Variants in BIRC6 observed in about 807,000 individuals in gnomAD.
BIRC6 encodes the protein baculoviral IAP repeat containing 6, also known as dual E2 ubiquitin-conjugating enzyme/E3 ubiquitin-protein ligase BIRC6.
BIRC6 carries 98 observed loss-of-function variants against 503.3 expected under a neutral mutation model. The observed-to-expected ratio is 0.19, with a 90% confidence interval of 0.17 to 0.23. BIRC6 has a LOEUF of 0.23. BIRC6 is among the 10% of genes least tolerant of loss of function. BIRC6 has a pLI of 1.00. For synonymous variants in BIRC6, 2,240 were observed against 2,078.7 expected (o/e 1.08, Z -2.11); for missense variants, 5,360 against 5,806.0 (o/e 0.92, Z 2.50).
chr2:32,596,235 C>A (rs1364228334), intron 68 of BIRC6, among the ~76,000 whole-genome samples: 3 of 151,872 alleles, frequency 2.0e-5, no homozygotes, highest in African/African-American at 7.3e-5. Flanking sequence ...TGTAATCCAG[C>A]ACTTTAGGAG....
At chr2:32,459,097 A>T (rs1163024525) in intron 23 of BIRC6, among the ~76,000 whole-genome samples, 3 of 152,022 alleles carry the variant, frequency 2.0e-5, no homozygotes, top group Non-Finnish European at 2.9e-5. Flanking sequence ...ATTTTTTTTT[A>T]AAATAAAACT....
chr2:32,497,930 A>G (rs147883964), intron 45 of BIRC6, among the ~76,000 whole-genome samples: 2,435 of 152,288 alleles, frequency 0.016, 134 homozygotes, highest in Admixed American at 0.12. Context: ...TGCTGGATTA[A>G]AATTGATCAT....
At chr2:32,513,617 C>T (rs1344538466) in intron 54 of BIRC6, among the ~76,000 whole-genome samples, 3 of 151,716 alleles carry the variant, frequency 2.0e-5, no homozygotes, top group Non-Finnish European at 4.4e-5. Context: ...TACAAAAATG[C>T]AGAAGTCAGA....
chr2:32,585,384 GT>G (rs571780668), intron 66 of BIRC6, among the ~76,000 whole-genome samples: 70 of 143,112 alleles, frequency 4.9e-4, no homozygotes, highest in East Asian at 6.1e-4. Flanking sequence ...TGGTTCTTTT[GT>G]TTTTTTTTTT....
At chr2:32,579,990 C>T (rs562906152) in intron 66 of BIRC6, among the ~76,000 whole-genome samples, 113 of 146,304 alleles carry the variant, frequency 7.7e-4, no homozygotes, top group Admixed American at 1.9e-3. Flanking sequence ...GTCTCGCTCT[C>T]TCGGCCAGGC....
At position 32,470,284 on chromosome 2, in the gene BIRC6, T is replaced by C; in HGVS notation, c.6464T>C (p.Met2155Thr). ...LLSPLQPQLP[M>T]HRRTEGVLDI... is the part of the protein sequence containing the mutation. ...TCACCTCTTCAGCCACAGTTACCCA[T>C]GCATAGGAGGACAGAAGGTATTAAG... Residue 2155 changes from methionine (M) to threonine (T), a missense_variant, in exon 31 of 74, where the codon ATG becomes ACG. Coordinates refer to ENST00000421745, the MANE Select transcript of BIRC6 (RefSeq NM_016252.4). 2 of 1,574,424 alleles carry C rather than the reference T, an allele frequency of 1.3e-6. No individual in the cohort carries two copies. The highest frequency in any genetic ancestry group is 2.3e-5 in the East Asian group (1 of 43,474).
intron 12 of BIRC6, 39 bp from the exon 13 acceptor site, chr2:32,433,605 A>AT: frequency 1.3e-6 from 2 of 1,488,832 alleles, no homozygotes; most frequent in Non-Finnish European, 1.8e-6. Flanking sequence ...CTGAAGAAAG[A>AT]TTTTTGCTTT....
At chr2:32,420,406 GTTTTTTA>G (rs1409165286) in intron 10 of BIRC6, among the ~76,000 whole-genome samples, 2 of 151,960 alleles carry the variant, frequency 1.3e-5, no homozygotes, top group Admixed American at 6.6e-5. Flanking sequence ...ACTTCCTAAG[GTTTTTTA>G]TTTTTTATTT....
chr2:32,395,472 G>T (rs750229374), intron 5 of BIRC6, 39 bp from the exon 6 acceptor site: 1 of 1,430,528 alleles, frequency 7.0e-7, no homozygotes, highest in East Asian at 2.3e-5. Context: ...TTTTAATAAT[G>T]ATTTACCTTT....
intron 53 of BIRC6, among the ~76,000 whole-genome samples, chr2:32,511,205 T>C (rs1274975848): frequency 4.3e-5 from 6 of 137,950 alleles, no homozygotes; most frequent in Non-Finnish European, 8.0e-5. Context: ...TCTTTTCTTT[T>C]TTTTTTTTTT....
chr2:32,469,666 C>A, intron 30 of BIRC6, 52 bp downstream of exon 30: 1 of 1,429,566 alleles, frequency 7.0e-7, no homozygotes, highest in Non-Finnish European at 9.6e-7. Context: ...GTACTTTTCA[C>A]AGTTACTGGT....
chr2:32,438,792 C>T (rs2045053153), intron 15 of BIRC6, among the ~76,000 whole-genome samples: 2 of 151,998 alleles, frequency 1.3e-5, no homozygotes, highest in Admixed American at 1.3e-4. Context: ...GATCTCCTGA[C>T]CTTGTGATCT....
In BIRC6 at chr2:32,453,678, C is replaced by T. The variant is rs565998752; in HGVS notation, c.4619-130C>T. 7.9e-4 allele frequency: 675 copies of T among 855,588 alleles called. 5 individuals carry two copies. Among genetic ancestry groups the T allele is most frequent in the South Asian group, 5.3e-3 (279 of 52,426 alleles). The allele number at this position is 855,588 out of a possible 1,614,324, so 53.0% of individuals were successfully genotyped here. A position where few individuals can be genotyped will look rare whatever the true frequency, so the allele number is the denominator to read the frequency against. On this transcript the variant is annotated intron_variant, in intron 22 of 73. Transcript: ENST00000421745. The stretch of plus-strand genomic sequence containing the variant: ...TTTTCTTAATACCATGCCCATGATT[C>T]AAGCACTGTGTAAGAGTTGTGTATT...
chr2:32,581,860 TTTTATGTA>T (rs897702109), intron 66 of BIRC6, among the ~76,000 whole-genome samples: 8 of 152,110 alleles, frequency 5.3e-5, no homozygotes, highest in African/African-American at 1.9e-4. Flanking sequence ...CTATATTTTA[TTTTATGTA>T]TTTATTTATT....
At chr2:32,419,003 T>A (rs191506975) in intron 10 of BIRC6, among the ~76,000 whole-genome samples, 3 of 152,176 alleles carry the variant, frequency 2.0e-5, no homozygotes, top group Non-Finnish European at 4.4e-5. Context: ...TTCTTGGAGT[T>A]GGTACAGTCC....
Position 32,388,951 on chromosome 2 carries a change from C to A in BIRC6, c.839+8C>A. On this transcript the variant is annotated splice_region_variant and intron_variant, in intron 4 of 73. Transcript: ENST00000421745. ...AGGCCGTTCTGTAGACAGGTATGAA[C>A]CTTGCTAACAAAGGTGACAGTGAGA... 7.0e-7 allele frequency: 1 copy of A among 1,431,044 alleles called. No individual in the cohort carries two copies. Among genetic ancestry groups the A allele is most frequent in the African/African-American group, 1.4e-5 (1 of 69,804 alleles). The allele number at this position is 1,431,044 out of a possible 1,614,324, so 88.6% of individuals were successfully genotyped here.
At chr2:32,470,945 T>C (rs931537008) in intron 31 of BIRC6, 69 bp from the exon 32 acceptor site, 7 of 1,457,948 alleles carry the variant, frequency 4.8e-6, no homozygotes, top group Non-Finnish European at 5.6e-6. Context: ...GTTTCACTTA[T>C]ATTATCAGAT....
Position 32,515,274 on chromosome 2 carries a change from A to G in BIRC6, c.10853A>G (p.Gln3618Arg). ...TTGGCTACCCTTGCTTCCTCTTCTC[A>G]ATCTCCTGAAGCTATTAAACAATTA... ...SHLATLASSS[Q>R]SPEAIKQLLD... Residue 3618 changes from glutamine (Q) to arginine (R), a missense_variant, in exon 55 of 74, where the codon CAA (glutamine) becomes CGA (arginine). Physicochemically the swap from Gln to Arg is conservative, Grantham distance 43 (BLOSUM62 1). Transcript: ENST00000421745. 6.2e-7 allele frequency: 1 copy of G among 1,613,878 alleles called. No homozygotes were observed. The highest frequency in any genetic ancestry group is 8.5e-7 in the Non-Finnish European group (1 of 1,179,886).
chr2:32,445,859 CTT>C (rs113063453), intron 21 of BIRC6, among the ~76,000 whole-genome samples, 191 bp downstream of exon 21: 2 of 145,600 alleles, frequency 1.4e-5, no homozygotes, highest in Non-Finnish European at 1.5e-5. Context: ...AGAAATTACT[CTT>C]TTTTTTTTTT....
Sources: allele counts gnomAD v4.1 joint callset (sites outside exome capture counted in the v4.1 genomes callset), GRCh38; gene constraint gnomAD v4.1.1; transcripts MANE v1.5; gene names NCBI Gene and HGNC (gene_info 2026-07-23, HGNC 2026-07-21).